Variants in AHNAK observed in about 807,000 individuals in gnomAD.
The protein encoded by AHNAK is AHNAK nucleoprotein.
AHNAK carries 23 observed loss-of-function variants against 37.8 expected under a neutral mutation model. The ratio of observed to expected loss-of-function variants is 0.61; its 90% CI spans 0.44 to 0.86. AHNAK has a LOEUF of 0.86. AHNAK is among the 40% of genes least tolerant of loss of function. The probability of loss-of-function intolerance (pLI) is 0.00; values close to 1 mark genes in which losing one functional copy is unlikely to be tolerated. For missense variants in AHNAK, 7,411 were observed against 7,319.4 expected (o/e 1.01, Z -0.46); for synonymous variants, 2,481 against 2,636.3 (o/e 0.94, Z 1.80).
rs1378974269 is a variant in AHNAK at position 62,520,455 on chromosome 11, T to G, written c.13962A>C (p.Lys4654Asn). The change falls in exon 5 of 5, where the codon AAA (lysine) becomes AAC (asparagine). Residue 4654 changes from lysine (K) to asparagine (N), a missense_variant. Lys to Asn is a moderately conservative substitution (Grantham distance 94). Coordinates refer to ENST00000378024, the MANE Select transcript of AHNAK (RefSeq NM_001620.3). ...QGPDWHLKMPKVKMPKFSMPG... is the reference protein window; with the variant it reads ...QGPDWHLKMPNVKMPKFSMPG... ...GCATGCTGAACTTGGGCATTTTCAC[T>G]TTGGGCATTTTTAGGTGCCAGTCTG... The G allele has an allele frequency of 6.2e-7, 1 of 1,611,564 alleles. No individual in the cohort carries two copies. The highest frequency in any genetic ancestry group is 2.2e-5 in the East Asian group (1 of 44,648).
intron 5 of AHNAK, among the ~76,000 whole-genome samples, chr11:62,472,473 C>G (rs1269317834): frequency 6.6e-6 from 1 of 151,996 alleles, no homozygotes; most frequent in Non-Finnish European, 1.5e-5. Flanking sequence ...TGCCAGAAAC[C>G]ACCCCAATCC....
downstream of AHNAK, among the ~76,000 whole-genome samples, chr11:62,513,230 G>C (rs1939946057): frequency 6.6e-6 from 1 of 152,136 alleles, no homozygotes; most frequent in Admixed American, 6.5e-5. Context: ...TTGCAAGGCT[G>C]GTTCCTGCAA....
rs189829296 is a variant in AHNAK at position 62,495,547 on chromosome 11, G to C, written c.343-3716C>G. The stretch of plus-strand genomic sequence containing the variant: ...GGAGATCGAGACCAGCCTGGCCAAC[G>C]TGGTGAAACCCAGTCTCTTCTAAAA... On this transcript the variant is annotated intron_variant, in intron 4 of 5. Coordinates refer to the AHNAK transcript ENST00000257247. Among the ~76,000 whole-genome samples, 202 of 148,486 alleles carry C rather than the reference G, an allele frequency of 1.4e-3. 3 individuals carry two copies. Among genetic ancestry groups the C allele is most frequent in the African/African-American group, 4.7e-3 (190 of 40,206 alleles).
chr11:62,479,956 A>C (rs145081623), intron 5 of AHNAK, among the ~76,000 whole-genome samples: 2 of 152,290 alleles, frequency 1.3e-5, no homozygotes, highest in African/African-American at 4.8e-5. Context: ...TGGAATCCAG[A>C]GGGGAGGGAG....
Position 62,517,041 on chromosome 11 carries a change from A to G in AHNAK, c.17376T>C (p.Pro5792=), listed in dbSNP as rs1362386771. ...SFSDEREFSG[P]STPTGTLEFE... ...ACTCCAGCGTCCCCGTCGGGGTGGAAGGTCCAGAGAACTCTCTTTCATCAC... is the reference window on the plus strand; with the variant it reads ...ACTCCAGCGTCCCCGTCGGGGTGGAGGGTCCAGAGAACTCTCTTTCATCAC... Residue 5792 remains proline (P), a synonymous_variant, in exon 5 of 5, where the codon CCT becomes CCC. Transcript: ENST00000378024. 3 of 1,614,050 alleles carry G rather than the reference A, an allele frequency of 1.9e-6. No individual in the cohort carries two copies. The highest frequency in any genetic ancestry group is 2.5e-6 in the Non-Finnish European group (3 of 1,180,030).
intron 1 of AHNAK, among the ~76,000 whole-genome samples, chr11:62,544,856 C>A (rs1182489061): frequency 6.6e-6 from 1 of 152,190 alleles, no homozygotes; most frequent in African/African-American, 2.4e-5. Flanking sequence ...CGCCTTCCCC[C>A]ACTCTCAGCT....
At chr11:62,484,562 A>G (rs1318806821) in intron 5 of AHNAK, among the ~76,000 whole-genome samples, 1 of 152,142 alleles carries the variant, frequency 6.6e-6, no homozygotes. Context: ...AAACCCTGGG[A>G]TGGAAGCTTG....
At chr11:62,505,779 G>A (rs1239653553) in intron 4 of AHNAK, among the ~76,000 whole-genome samples, 4 of 147,238 alleles carry the variant, frequency 2.7e-5, no homozygotes, top group East Asian at 2.0e-4. Flanking sequence ...CCCCCAGCAG[G>A]ACCCCTGGCC....
downstream of AHNAK, among the ~76,000 whole-genome samples, chr11:62,514,253 C>G (rs2134185315): frequency 6.6e-6 from 1 of 152,266 alleles, no homozygotes; most frequent in African/African-American, 2.4e-5. Context: ...CTCCAGACAC[C>G]AGGGCTACTT....
intron 4 of AHNAK, among the ~76,000 whole-genome samples, chr11:62,502,043 T>G (rs1449718881): frequency 6.6e-6 from 1 of 152,126 alleles, no homozygotes; most frequent in Non-Finnish European, 1.5e-5. Flanking sequence ...AGATTTGGGG[T>G]GTCTTCTCCT....
chr11:62,495,774 C>T (rs1161319747), intron 4 of AHNAK, among the ~76,000 whole-genome samples: 5 of 146,270 alleles, frequency 3.4e-5, no homozygotes, highest in Non-Finnish European at 6.0e-5. Flanking sequence ...ATATGCCAGG[C>T]GCAGTGGCTC....
intron 1 of AHNAK, among the ~76,000 whole-genome samples, chr11:62,538,984 C>T (rs1460845542): frequency 6.6e-6 from 1 of 152,194 alleles, no homozygotes; most frequent in Non-Finnish European, 1.5e-5. Flanking sequence ...CAGCCATCCT[C>T]CTGTTTGACA....
chr11:62,493,567 C>CCAATCTGGGCAACAAGAATGA (rs1565213284), intron 4 of AHNAK, among the ~76,000 whole-genome samples: 1 of 152,036 alleles, frequency 6.6e-6, no homozygotes, highest in African/African-American at 2.4e-5. Flanking sequence ...CTCCTGACCT[C>CCAATCTGGGCAACAAGAATGA]AGGTTATCCA....
At chr11:62,510,096 C>T (rs944196503) in intron 4 of AHNAK, among the ~76,000 whole-genome samples, 1 of 151,894 alleles carries the variant, frequency 6.6e-6, no homozygotes, top group African/African-American at 2.4e-5. Context: ...CTCACTCTGT[C>T]GCCCAGGCTG....
At chr11:62,471,513 C>A (rs1307393142) in intron 5 of AHNAK, among the ~76,000 whole-genome samples, 1 of 152,196 alleles carries the variant, frequency 6.6e-6, no homozygotes, top group Non-Finnish European at 1.5e-5. Context: ...GTGCATTAAA[C>A]AGAATTTTGA....
chr11:62,483,291 G>C (rs1247132526), intron 5 of AHNAK, among the ~76,000 whole-genome samples: 1 of 152,140 alleles, frequency 6.6e-6, no homozygotes. Flanking sequence ...GGGAGTCGGG[G>C]GCCACTCAGC....
At chr11:62,542,568 C>A (rs1171848939) in intron 1 of AHNAK, among the ~76,000 whole-genome samples, 1 of 152,162 alleles carries the variant, frequency 6.6e-6, no homozygotes, top group Non-Finnish European at 1.5e-5. Flanking sequence ...TCTACCCCAG[C>A]CACGCACAGC....
Position 62,479,526 on chromosome 11 carries a change from A to C in AHNAK, c.442+12206T>G, listed in dbSNP as rs557027994. Among the ~76,000 whole-genome samples, 17 of 151,974 alleles carry C rather than the reference A, an allele frequency of 1.1e-4. 1 individual carries two copies. The South Asian group carries it at 3.5e-3, about 32-fold the overall frequency. ...AGTTTGGGGTCTGCGAAGTGCTAAA[A>C]ATACTAGAAAATTACCTGAATATTT... On this transcript the variant is annotated intron_variant, in intron 5 of 5. Coordinates refer to the AHNAK transcript ENST00000257247.
At chr11:62,463,913 G>C (rs112427861) in intron 5 of AHNAK, among the ~76,000 whole-genome samples, 6,921 of 148,322 alleles carry the variant, frequency 0.047, 217 homozygotes, top group Middle Eastern at 0.07. Context: ...ACAGGCGCCC[G>C]CCACCACGCC....
Sources: gnomAD v4.1 joint callset for allele counts (sites outside exome capture counted in the v4.1 genomes callset) on GRCh38, gnomAD v4.1.1 for gene constraint, MANE v1.5 for transcripts, NCBI Gene and HGNC (gene_info 2026-07-23, HGNC 2026-07-21) for gene names.